The following UTP25 variants were observed in gnomAD, a reference collection of about 807,000 sequenced individuals.
UTP25 encodes U3 small nucleolar RNA-associated protein 25 homolog.
In UTP25, 50 loss-of-function variants were observed where a neutral mutation model predicts 78.9. The observed-to-expected ratio is 0.63, with a 90% CI of 0.50 to 0.80. UTP25 has a LOEUF of 0.80. Ranked by LOEUF, UTP25 falls within the 30% of genes least tolerant of loss-of-function variation. UTP25 has a pLI of 0.00. For synonymous variants in UTP25, 329 were observed against 336.5 expected, an observed-to-expected ratio of 0.98 and a Z score of 0.24; for missense variants, 846 against 911.3, an observed-to-expected ratio of 0.93 and a Z score of 0.92.
chr1:209,846,965 C>A (rs532435935), intron 11 of UTP25, among the ~76,000 whole-genome samples: 4 of 152,166 alleles, frequency 2.6e-5, no homozygotes, highest in Admixed American at 6.5e-5. Context: ...GATATAAATA[C>A]TCTTTTTGGT....
In UTP25 at chr1:209,851,424, C is replaced by T; in HGVS notation, c.2248C>T (p.Leu750Phe). ...QMLQSNKNVH[L>F]FITGEK ...GCTACAGTCCAACAAGAATGTCCAC[C>T]TCTTCATTACTGGAGAAAAATGAAA... The change falls in exon 12 of 12, where the codon CTC becomes TTC. Residue 750 changes from leucine (L) to phenylalanine (F), a missense_variant. By Grantham distance (22) the Leu-to-Phe change is conservative. Transcript: ENST00000491415. The T allele has an allele frequency of 1.2e-6, 2 of 1,605,992 alleles. No homozygotes were observed. Among genetic ancestry groups the T allele is most frequent in the South Asian group, 1.1e-5 (1 of 89,612 alleles).
Position 209,851,644 on chromosome 1 carries a change from T to TGTAAA in UTP25, c.*197_*198insGTAAA, listed in dbSNP as rs2078239547. On this transcript the variant is annotated 3_prime_UTR_variant, in exon 12 of 12. Coordinates refer to ENST00000491415, the MANE Select transcript of UTP25 (RefSeq NM_014388.7). ...TAAATGTAAACCAGATTTTGGTAAA[T>TGTAAA]CCCATCTTTCAGAAGTGAAGAGGGG... is the stretch of plus-strand genomic sequence containing the variant. 2 of 601,218 alleles carry TGTAAA rather than the reference T, an allele frequency of 3.3e-6. No homozygotes were observed. The highest frequency in any genetic ancestry group is 3.8e-5 in the African/African-American group (2 of 53,164). The allele number at this position is 601,218 out of a possible 1,614,324, so 37.2% of individuals were successfully genotyped here.
intron 7 of UTP25, among the ~76,000 whole-genome samples, chr1:209,839,646 G>A (rs986062425): frequency 3.9e-5 from 6 of 152,102 alleles, no homozygotes; most frequent in African/African-American, 1.4e-4. Flanking sequence ...ACTTTGGTTG[G>A]TTATACCTTT....
intron 5 of UTP25, 84 bp from the exon 6 acceptor site, chr1:209,836,717 A>C: frequency 7.0e-7 from 1 of 1,438,538 alleles, no homozygotes; most frequent in South Asian, 1.4e-5. Context: ...TAAATCATGA[A>C]AAAATTCGCT....
rs1381847634 is a variant in UTP25 at position 209,855,938 on chromosome 1, C to G, written c.*4491C>G. ...AACATCTGCCCCAGTGCCCTGCCAC[C>G]TTCGTCCTCACTGACCTCTGCAGCC... On this transcript the variant is annotated 3_prime_UTR_variant, in exon 12 of 12. Coordinates refer to ENST00000491415, the MANE Select transcript of UTP25 (RefSeq NM_014388.7). 1 of 152,454 alleles carries G rather than the reference C, an allele frequency of 6.6e-6. No individual in the cohort carries two copies. The highest frequency in any genetic ancestry group is 2.1e-4 in the South Asian group (1 of 4,838). The allele number at this position is 152,454 out of a possible 1,614,324, so 9.4% of individuals were successfully genotyped here.
At chr1:209,838,404 CTG>C (rs1365803860) in intron 6 of UTP25, among the ~76,000 whole-genome samples, 23 of 170 alleles carry the variant, frequency 0.14, no homozygotes, top group East Asian at 0.48. Context: ...TTCTGAAACA[CTG>C]TATAGAGAAT....
intron 7 of UTP25, among the ~76,000 whole-genome samples, 183 bp downstream of exon 7, chr1:209,839,311 T>A (rs931930543): frequency 6.6e-6 from 1 of 152,220 alleles, no homozygotes; most frequent in East Asian, 1.9e-4. Context: ...GGGTGGACAT[T>A]AGGCCAGTGG....
Position 209,830,948 on chromosome 1 carries a change from G to A in UTP25, c.293G>A (p.Ser98Asn). 6.2e-7 allele frequency: 1 copy of A among 1,613,812 alleles called. No homozygotes were observed. Among genetic ancestry groups the A allele is most frequent in the Non-Finnish European group, 8.5e-7 (1 of 1,179,680 alleles). Residue 98 changes from serine (S) to asparagine (N), a missense_variant, in exon 3 of 12, where the codon AGT (serine) becomes AAT (asparagine). By Grantham distance (46) the Ser-to-Asn change is conservative (BLOSUM62 1). Coordinates refer to ENST00000491415, the MANE Select transcript of UTP25 (RefSeq NM_014388.7). ...EDEEEEEEED[S>N]IVDDAEMNDE... ...GAGGAGGAGGAAGAGGAAGAAGACA[G>A]TATTGTAGATGATGCAGAAATGAAC...
chr1:209,830,917 G>C lies in UTP25; in HGVS notation c.262G>C (p.Glu88Gln). The change falls in exon 3 of 12, where the codon GAA becomes CAA. Residue 88 changes from glutamate to glutamine, a missense_variant. Coordinates refer to ENST00000491415, the MANE Select transcript of UTP25 (RefSeq NM_014388.7). ...AAAGAATGTTTCTGAGGAAGAAGAG[G>C]AAGATGAGGAGGAGGAAGAGGAAGA... ...TLKNVSEEEE[E>Q]DEEEEEEEDS... 2 of 1,613,924 alleles carry C rather than the reference G, an allele frequency of 1.2e-6. No individual in the cohort carries two copies. Among genetic ancestry groups the C allele is most frequent in the African/African-American group, 1.3e-5 (1 of 75,042 alleles).
rs1488460910 is a variant in UTP25, at chr1:209,830,859, A to G, written c.204A>G (p.Gln68=). 1.2e-6 allele frequency: 2 copies of G among 1,613,978 alleles called. No homozygotes were observed. The highest frequency in any genetic ancestry group is 1.7e-6 in the Non-Finnish European group (2 of 1,179,946). ...SESDSESEPQ[Q]VSGYHRLLAT... ...GCGACTCAGAGAGTGAACCACAACA[A>G]GTTTCTGGCTACCACAGACTACTTG... The change falls in exon 3 of 12, where the codon CAA becomes CAG. Residue 68 remains glutamine, a synonymous_variant. Transcript: ENST00000491415.
chr1:209,845,841 CT>C (rs1305194946), intron 11 of UTP25, among the ~76,000 whole-genome samples: 6 of 143,862 alleles, frequency 4.2e-5, no homozygotes, highest in Admixed American at 7.0e-5. Flanking sequence ...AGAATAAGTA[CT>C]TTTTTTTTCT....
intron 3 of UTP25, among the ~76,000 whole-genome samples, chr1:209,831,407 T>C (rs1407286173): frequency 6.6e-6 from 1 of 152,182 alleles, no homozygotes; most frequent in Admixed American, 6.5e-5. Context: ...GACATAAATA[T>C]ATATAAAAAA....
intron 3 of UTP25, 103 bp from the exon 4 acceptor site, chr1:209,833,082 A>G (rs1365502488): frequency 9.3e-7 from 1 of 1,077,228 alleles, no homozygotes; most frequent in Non-Finnish European, 1.3e-6. Context: ...TATAAATAGT[A>G]TCAATGAACG....
In UTP25 at chr1:209,843,533, T is replaced by C. The variant is rs1558055558; in HGVS notation, c.1864T>C (p.Phe622Leu). 2.5e-6 allele frequency: 4 copies of C among 1,614,204 alleles called. No individual in the cohort carries two copies. The highest frequency in any genetic ancestry group is 2.5e-6 in the Non-Finnish European group (3 of 1,180,024). ...CACGCTCATCTATATCCCCTCCTAC[T>C]TTGACTTCGTGCGTCTTCGAAATTA... ...SHTLIYIPSYFDFVRLRNYFK... is the reference protein window; with the variant it reads ...SHTLIYIPSYLDFVRLRNYFK... Residue 622 changes from phenylalanine to leucine, a missense_variant, in exon 11 of 12, where the codon TTT becomes CTT. Transcript: ENST00000491415.
chr1:209,843,301 C>T lies in UTP25; in HGVS notation c.1782-150C>T, dbSNP rs573435559. On this transcript the variant is annotated intron_variant, in intron 10 of 11. Coordinates refer to ENST00000491415, the MANE Select transcript of UTP25 (RefSeq NM_014388.7). Reference sequence around the variant, plus strand: ...GTGTGCTTATCAAGTTTTATCCTTACATAATCTCTTTGAGAGGAGGTAAAT... The same window carrying T: ...GTGTGCTTATCAAGTTTTATCCTTATATAATCTCTTTGAGAGGAGGTAAAT... 1.0e-4 allele frequency: 90 copies of T among 893,372 alleles called. No individual in the cohort carries two copies. In the South Asian group the frequency reaches 1.4e-3, roughly 14 times the overall value. 55.3% of individuals were successfully genotyped at this position (893,372 alleles called of 1,614,324 possible). A position where few individuals can be genotyped will look rare whatever the true frequency, so the allele number is the denominator to read the frequency against.
intron 11 of UTP25, among the ~76,000 whole-genome samples, chr1:209,849,232 G>A (rs778015203): frequency 6.6e-6 from 1 of 152,148 alleles, no homozygotes. Flanking sequence ...CGCTACCTCC[G>A]TGGCAGCCAG....
chr1:209,842,616 A>C lies in UTP25; in HGVS notation c.1702A>C (p.Ile568Leu). ...GAGGAATGTCCCAATGACAGGCTCT[A>C]TCAGTCATGTCCTGGTGCAGCTCCC... is the stretch of plus-strand genomic sequence containing the variant. ...AVRNVPMTGS[I>L]SHVLVQLPHV... Residue 568 changes from isoleucine (I) to leucine (L), a missense_variant, in exon 10 of 12, where the codon ATC becomes CTC. Transcript: ENST00000491415. The C allele has an allele frequency of 6.2e-7, 1 of 1,613,944 alleles. No homozygotes were observed. Among genetic ancestry groups the C allele is most frequent in the Non-Finnish European group, 8.5e-7 (1 of 1,179,948 alleles).
intron 10 of UTP25, 170 bp from the exon 11 acceptor site, chr1:209,843,281 C>A: frequency 1.4e-6 from 1 of 736,208 alleles, no homozygotes; most frequent in Non-Finnish European, 2.2e-6. Flanking sequence ...TTTTAGTGTG[C>A]TTATCAAGTT....
chr1:209,851,110 A>T, intron 11 of UTP25, 94 bp from the exon 12 acceptor site: 1 of 1,386,876 alleles, frequency 7.2e-7, no homozygotes, highest in Non-Finnish European at 9.6e-7. Context: ...GCAGGAAGCA[A>T]CAAGCATGAA....
Sources: gnomAD v4.1 joint callset for allele counts (sites outside exome capture counted in the v4.1 genomes callset) on GRCh38, gnomAD v4.1.1 for gene constraint, MANE v1.5 for transcripts, NCBI Gene and HGNC (gene_info 2026-07-23, HGNC 2026-07-21) for gene names.